Variants in SCARA5 observed in about 807,000 individuals in gnomAD.
SCARA5 encodes scavenger receptor class A, member 5 (putative).
SCARA5 carries 45 observed loss-of-function variants against 46.3 expected under a neutral mutation model. The ratio of observed to expected loss-of-function variants is 0.97; its 90% confidence interval spans 0.76 to 1.24. The LOEUF (loss-of-function observed/expected upper bound fraction) is 1.24, where lower values mean the gene tolerates loss of function less well. SCARA5 is among the 50% of genes most tolerant of loss of function. The pLI, the probability that SCARA5 is intolerant of heterozygous loss-of-function variation, is 0.00. For synonymous variants in SCARA5, 333 were observed against 306.5 expected (o/e 1.09, Z -0.90); for missense variants, 680 against 689.0 (o/e 0.99, Z 0.15).
At chr8:27,946,371 T>C (rs763059853) in intron 3 of SCARA5, among the ~76,000 whole-genome samples, 6 of 152,232 alleles carry the variant, frequency 3.9e-5, no homozygotes, top group Admixed American at 2.0e-4. Context: ...TCTGAAGGGA[T>C]TGGCTCCAGG....
chr8:27,883,637 G>C (rs757967518), intron 7 of SCARA5, among the ~76,000 whole-genome samples: 7 of 152,214 alleles, frequency 4.6e-5, no homozygotes, highest in Non-Finnish European at 8.8e-5. Flanking sequence ...ATTTAGATTA[G>C]AGGGTCAATC....
rs1453634648 is a variant in SCARA5 at position 27,892,779 on chromosome 8, G to A, written c.1153+11999C>T. 2.6e-5 allele frequency among the ~76,000 whole-genome samples: 4 copies of A among 151,946 alleles called. No individual in the cohort carries two copies. In the South Asian group the frequency reaches 6.2e-4, roughly 24 times the overall value. The stretch of plus-strand genomic sequence containing the variant: ...CGCCACCACGACCGGCTAATTTTTT[G>A]TATTTTTTAGTAGAGATGGGGTTTC... On this transcript the variant is annotated intron_variant, in intron 7 of 8. Transcript: ENST00000354914.
At chr8:27,938,179 G>A (rs1011547103) in intron 3 of SCARA5, among the ~76,000 whole-genome samples, 6 of 152,156 alleles carry the variant, frequency 3.9e-5, no homozygotes, top group South Asian at 2.1e-4. Context: ...AGAACCAAGC[G>A]CTTCCTCAAA....
At chr8:27,982,904 A>G (rs1385001079) in intron 2 of SCARA5, among the ~76,000 whole-genome samples, 1 of 152,158 alleles carries the variant, frequency 6.6e-6, no homozygotes, top group African/African-American at 2.4e-5. Context: ...ATGAGGGGCG[A>G]GAAGGAAAGA....
chr8:27,928,342 G>C (rs1010288), intron 3 of SCARA5, among the ~76,000 whole-genome samples: 1 of 152,194 alleles, frequency 6.6e-6, no homozygotes, highest in African/African-American at 2.4e-5. Context: ...TGGGAAAGCA[G>C]ATCATAGAAC....
chr8:27,916,621 T>C (rs918685762), intron 4 of SCARA5, among the ~76,000 whole-genome samples: 10 of 152,162 alleles, frequency 6.6e-5, no homozygotes, highest in African/African-American at 2.4e-4. Flanking sequence ...ACCTAGCCCT[T>C]GTTCAAAAGC....
chr8:27,967,505 T>C (rs979341428), intron 2 of SCARA5, among the ~76,000 whole-genome samples: 1 of 150,700 alleles, frequency 6.6e-6, no homozygotes, highest in Non-Finnish European at 1.5e-5. Flanking sequence ...TAGGAATCAC[T>C]GGGTGGGGGC....
intron 3 of SCARA5, among the ~76,000 whole-genome samples, chr8:27,931,506 T>C (rs541792637): frequency 6.6e-6 from 1 of 152,194 alleles, no homozygotes; most frequent in Admixed American, 6.5e-5. Flanking sequence ...GTATGTGTGA[T>C]GAGTCATAGG....
chr8:27,990,028 G>A lies in SCARA5; in HGVS notation c.-16+2229C>T, dbSNP rs544728855. 9.1e-4 allele frequency among the ~76,000 whole-genome samples: 139 copies of A among 152,234 alleles called. 1 individual carries two copies. The highest frequency in any genetic ancestry group is 1.9e-3 in the Non-Finnish European group (129 of 68,048). Reference sequence around the variant, plus strand: ...GAGGCCACACAGAGCCAGACAGGGCGCTGCCCCTGGGGAGTGGAGGTGTGA... The same window carrying A: ...GAGGCCACACAGAGCCAGACAGGGCACTGCCCCTGGGGAGTGGAGGTGTGA... On this transcript the variant is annotated intron_variant, in intron 1 of 8. Transcript: ENST00000354914.
At position 27,907,242 on chromosome 8, in the gene SCARA5, C is replaced by A; in HGVS notation, c.1002G>T (p.Leu334=). The stretch of plus-strand genomic sequence containing the variant: ...ATCCTGGGGTACCTCTCTCCCCGGG[C>A]AGACCTGGGGAGAAAACAGACAAAT... ...GIPGLPGLRG[L]PGERGTPGLP... The change falls in exon 6 of 9, where the codon CTG becomes CTT. Residue 334 remains leucine, a synonymous_variant. Coordinates refer to ENST00000354914, the MANE Select transcript of SCARA5 (RefSeq NM_173833.6). 2 of 1,611,134 alleles carry A rather than the reference C, an allele frequency of 1.2e-6. No homozygotes were observed. The highest frequency in any genetic ancestry group is 1.7e-6 in the Non-Finnish European group (2 of 1,177,880).
chr8:27,957,021 GGCACACCCA>G (rs1289499377), intron 3 of SCARA5, among the ~76,000 whole-genome samples: 1 of 152,130 alleles, frequency 6.6e-6, no homozygotes, highest in Non-Finnish European at 1.5e-5. Flanking sequence ...GGTAGCTCTG[GGCACACCCA>G]GCAGAAGATA....
chr8:27,955,225 A>G (rs1170410709), intron 3 of SCARA5, among the ~76,000 whole-genome samples: 1 of 152,180 alleles, frequency 6.6e-6, no homozygotes, highest in Non-Finnish European at 1.5e-5. Context: ...GACTCTTACC[A>G]GACAGAAACA....
At chr8:27,890,180 C>G (rs1204105082) in intron 7 of SCARA5, among the ~76,000 whole-genome samples, 1 of 152,212 alleles carries the variant, frequency 6.6e-6, no homozygotes. Context: ...GGCTCCAAAA[C>G]CCTCAGTTAG....
intron 3 of SCARA5, among the ~76,000 whole-genome samples, chr8:27,928,130 G>A (rs914598162): frequency 5.9e-5 from 9 of 152,248 alleles, no homozygotes; most frequent in East Asian, 3.9e-4. Context: ...CAGTCAGAGC[G>A]TGTTCTCTGC....
At position 27,918,915 on chromosome 8, in the gene SCARA5, AG is replaced by A. The variant is rs367564250; in HGVS notation, c.916+2655del. On this transcript the variant is annotated intron_variant, in intron 4 of 8. Coordinates refer to ENST00000354914, the MANE Select transcript of SCARA5 (RefSeq NM_173833.6). Reference sequence around the variant, plus strand: ...GGGAAGAAAGAGGAGGAGGAAGGGAAGGAGGAGGAGGAAGATGAGAAGGAGG... The same window carrying A: ...GGGAAGAAAGAGGAGGAGGAAGGGAAGAGGAGGAGGAAGATGAGAAGGAGG... 9.8e-3 allele frequency among the ~76,000 whole-genome samples: 34 copies of A among 3,486 alleles called. 15 individuals are homozygous for A. Among genetic ancestry groups the A allele is most frequent in the East Asian group, 0.028 (2 of 72 alleles). The allele number at this position is 3,486 out of a possible 152,430, so 2.3% of individuals were successfully genotyped here.
chr8:27,924,808 T>C (rs1807655404), intron 3 of SCARA5, among the ~76,000 whole-genome samples: 2 of 152,160 alleles, frequency 1.3e-5, no homozygotes, highest in Admixed American at 6.5e-5. Flanking sequence ...ACAAAATCAA[T>C]GCGCAAAAAT....
intron 2 of SCARA5, among the ~76,000 whole-genome samples, chr8:27,973,605 T>C (rs562417740): frequency 6.6e-6 from 1 of 152,318 alleles, no homozygotes; most frequent in South Asian, 2.1e-4. Flanking sequence ...GATACTTTAC[T>C]CCTGGTTGAA....
chr8:27,925,166 G>A (rs1807660417), intron 3 of SCARA5, among the ~76,000 whole-genome samples: 1 of 152,200 alleles, frequency 6.6e-6, no homozygotes, highest in African/African-American at 2.4e-5. Context: ...CCAAAAAAGA[G>A]CCCGTTTTGC....
intron 7 of SCARA5, among the ~76,000 whole-genome samples, chr8:27,890,162 A>G (rs948531529): frequency 5.9e-5 from 9 of 152,206 alleles, no homozygotes; most frequent in Admixed American, 5.9e-4. Context: ...GCTGGCAGAG[A>G]ACTCAGGGGC....
Sources: allele counts gnomAD v4.1 joint callset (sites outside exome capture counted in the v4.1 genomes callset), GRCh38; gene constraint gnomAD v4.1.1; transcripts MANE v1.5; gene names NCBI Gene and HGNC (gene_info 2026-07-23, HGNC 2026-07-21).